The following NKAIN2 variants were observed in gnomAD, a reference collection of about 807,000 sequenced individuals.
NKAIN2 encodes the protein sodium/potassium transporting ATPase interacting 2, also known as sodium/potassium-transporting ATPase subunit beta-1-interacting protein 2.
In NKAIN2, 14 loss-of-function variants were observed where a neutral mutation model predicts 32.6. The observed-to-expected ratio is 0.43, with a 90% CI of 0.28 to 0.67. The LOEUF (loss-of-function observed/expected upper bound fraction) is 0.67, where lower values mean the gene tolerates loss of function less well. NKAIN2 is among the 30% of genes least tolerant of loss of function. The pLI, the probability that NKAIN2 is intolerant of heterozygous loss-of-function variation, is 0.17. For synonymous variants in NKAIN2, 80 were observed against 87.2 expected (o/e 0.92, Z 0.46); for missense variants, 198 against 258.3 (o/e 0.77, Z 1.60).
intron 1 of NKAIN2, among the ~76,000 whole-genome samples, chr6:124,125,054 C>T (rs1459113102): frequency 6.6e-6 from 1 of 152,154 alleles, no homozygotes; most frequent in East Asian, 1.9e-4. Flanking sequence ...TTGAACATCA[C>T]CTATAGATGA....
intron 1 of NKAIN2, among the ~76,000 whole-genome samples, chr6:124,234,386 C>T (rs1792630750): frequency 6.6e-6 from 1 of 152,114 alleles, no homozygotes; most frequent in Admixed American, 6.6e-5. Flanking sequence ...CTGTAAAAGA[C>T]CTTATTGGTG....
Position 124,641,193 on chromosome 6 carries a change from GTA to G in NKAIN2, c.274-16991_274-16990del, listed in dbSNP as rs565730735. 6.5e-4 allele frequency among the ~76,000 whole-genome samples: 99 copies of G among 152,292 alleles called. 1 individual carries two copies. The highest frequency in any genetic ancestry group is 2.3e-3 in the African/African-American group (96 of 41,584). Reference sequence around the variant, plus strand: ...AGCTGTTGAGAAGGGGTAACTCAAAGTATTAATTCAAACGAAGAGAGATACGC... The same window carrying G: ...AGCTGTTGAGAAGGGGTAACTCAAAGTTAATTCAAACGAAGAGAGATACGC... On this transcript the variant is annotated intron_variant, in intron 3 of 6. Transcript: ENST00000368417.
intron 2 of NKAIN2, among the ~76,000 whole-genome samples, chr6:124,343,522 T>C (rs570468955): frequency 0.035 from 5,338 of 152,070 alleles, 139 homozygotes; most frequent in African/African-American, 0.042. Flanking sequence ...TGATTGCCAT[T>C]CTAACTGGTG....
At chr6:124,721,336 G>A (rs1240527709) in intron 4 of NKAIN2, among the ~76,000 whole-genome samples, 3 of 150,964 alleles carry the variant, frequency 2.0e-5, no homozygotes, top group Non-Finnish European at 3.0e-5. Flanking sequence ...CCCGGAAGGC[G>A]GAGCTTGCAG....
intron 1 of NKAIN2, among the ~76,000 whole-genome samples, chr6:123,829,639 C>T (rs900478266): frequency 6.6e-6 from 1 of 152,142 alleles, no homozygotes; most frequent in Non-Finnish European, 1.5e-5. Context: ...TGAGGACCAA[C>T]CACAGAGTCC....
In NKAIN2 at chr6:124,658,186, G is replaced by T. The variant is rs771737968; in HGVS notation, c.274G>T (p.Glu92Ter). The part of the protein sequence containing the change: ...FYLEAGDLSK[E>*]TDLILTFNIS... ...ATCCTTGTAAATTGCCTTCTTGCAG[G>T]AAACAGACCTTATCCTGACTTTTAA... The change falls in exon 4 of 7, where the codon GAA becomes TAA. Residue 92 changes from glutamate to a stop codon, truncating the protein, a stop_gained and splice_region_variant. Transcript: ENST00000368417. LOFTEE classifies it high-confidence loss of function. 1 of 1,581,574 alleles carries T rather than the reference G, an allele frequency of 6.3e-7. No homozygotes were observed.
rs193096004 is a variant in NKAIN2, at chr6:124,185,568, A to G, written c.55-97437A>G. ...TAACAAATCAAAATGTCTAATATAT[A>G]TGATTATTTAATAAGAACAATTCCT... On this transcript the variant is annotated intron_variant, in intron 1 of 6. Coordinates refer to ENST00000368417, the MANE Select transcript of NKAIN2 (RefSeq NM_001040214.3). Among the ~76,000 whole-genome samples, 5 of 152,330 alleles carry G rather than the reference A, an allele frequency of 3.3e-5. No homozygotes were observed. In the East Asian group the frequency reaches 7.7e-4, roughly 24 times the overall value.
At chr6:124,662,828 C>T (rs1358611448) in intron 4 of NKAIN2, among the ~76,000 whole-genome samples, 1 of 152,146 alleles carries the variant, frequency 6.6e-6, no homozygotes, top group Non-Finnish European at 1.5e-5. Flanking sequence ...CTCTTTTAAT[C>T]TGGAAACATT....
At chr6:124,453,871 C>T (rs751452760) in intron 3 of NKAIN2, among the ~76,000 whole-genome samples, 2 of 151,966 alleles carry the variant, frequency 1.3e-5, no homozygotes, top group Non-Finnish European at 2.9e-5. Context: ...ATTGATTTCT[C>T]CTTCAGGCTT....
At chr6:124,063,040 G>A (rs915883949) in intron 1 of NKAIN2, among the ~76,000 whole-genome samples, 4 of 151,918 alleles carry the variant, frequency 2.6e-5, no homozygotes, top group Admixed American at 6.6e-5. Flanking sequence ...ACAAAAATTC[G>A]CCCGGCATGC....
At chr6:123,925,078 T>G (rs1460961735) in intron 1 of NKAIN2, among the ~76,000 whole-genome samples, 1 of 152,170 alleles carries the variant, frequency 6.6e-6, no homozygotes, top group Non-Finnish European at 1.5e-5. Context: ...GAATTTTTTT[T>G]GTTGCTTGAA....
At chr6:123,962,407 G>A (rs1482222402) in intron 1 of NKAIN2, among the ~76,000 whole-genome samples, 3 of 152,086 alleles carry the variant, frequency 2.0e-5, no homozygotes, top group Non-Finnish European at 4.4e-5. Flanking sequence ...TTCCTTATCT[G>A]CTTGCAGAGC....
At chr6:124,146,774 T>C (rs1787430201) in intron 1 of NKAIN2, among the ~76,000 whole-genome samples, 1 of 152,178 alleles carries the variant, frequency 6.6e-6, no homozygotes, top group South Asian at 2.1e-4. Context: ...TGATTCCCCT[T>C]GTAAAAATAT....
intron 1 of NKAIN2, among the ~76,000 whole-genome samples, chr6:124,086,327 A>C (rs1415324871): frequency 6.6e-6 from 1 of 151,986 alleles, no homozygotes; most frequent in Non-Finnish European, 1.5e-5. Context: ...TTCAGTTGAC[A>C]TTTTCTGAAT....
At chr6:124,732,053 T>C (rs1776706625) in intron 4 of NKAIN2, among the ~76,000 whole-genome samples, 1 of 152,080 alleles carries the variant, frequency 6.6e-6, no homozygotes, top group South Asian at 2.1e-4. Flanking sequence ...ATCATTCTAA[T>C]AGTGCAGTAT....
chr6:124,647,122 TA>T (rs202124479), intron 3 of NKAIN2, among the ~76,000 whole-genome samples: 13 of 150,334 alleles, frequency 8.6e-5, no homozygotes, highest in Admixed American at 2.7e-4. Context: ...AGGAAAACTG[TA>T]AAAAAAAAGT....
At chr6:124,376,706 A>C (rs1252671675) in intron 3 of NKAIN2, among the ~76,000 whole-genome samples, 4 of 152,090 alleles carry the variant, frequency 2.6e-5, no homozygotes, top group Non-Finnish European at 5.9e-5. Context: ...ATCCAATATA[A>C]AACAGAATAA....
intron 1 of NKAIN2, among the ~76,000 whole-genome samples, chr6:123,931,803 C>T (rs1582799604): frequency 1.3e-5 from 2 of 151,936 alleles, no homozygotes; most frequent in Non-Finnish European, 2.9e-5. Context: ...TAACCCTACT[C>T]ACCTCTCTTC....
At chr6:124,507,654 A>C (rs1422528359) in intron 3 of NKAIN2, among the ~76,000 whole-genome samples, 1 of 152,150 alleles carries the variant, frequency 6.6e-6, no homozygotes, top group Non-Finnish European at 1.5e-5. Context: ...GACATGTAAT[A>C]ATAAAAGAGG....
Sources: allele counts gnomAD v4.1 joint callset (sites outside exome capture counted in the v4.1 genomes callset), GRCh38; gene constraint gnomAD v4.1.1; transcripts MANE v1.5; gene names NCBI Gene and HGNC (gene_info 2026-07-23, HGNC 2026-07-21).